Variants in TOP1MT observed in about 807,000 individuals in gnomAD.
TOP1MT encodes the protein DNA topoisomerase I, mitochondrial.
TOP1MT carries 80 observed loss-of-function variants against 73.9 expected under a neutral mutation model. That is an observed-to-expected ratio of 1.08 (90% CI 0.90 to 1.30). TOP1MT has a LOEUF of 1.30. Ranked by LOEUF, TOP1MT falls within the 50% of genes most tolerant of loss-of-function variation. The pLI is 0.00. For missense variants in TOP1MT, 815 were observed against 808.0 expected, an observed-to-expected ratio of 1.01 and a Z score of -0.10; for synonymous variants, 338 against 326.4, an observed-to-expected ratio of 1.04 and a Z score of -0.38.
At chr8:143,337,482 T>A (rs775493733), upstream of TOP1MT, among the ~76,000 whole-genome samples, 13 of 152,148 alleles carry the variant, frequency 8.5e-5, no homozygotes, top group Non-Finnish European at 1.6e-4. Context: ...GCTGGCGTTT[T>A]TACAGAAATT....
rs531330290 is a variant in TOP1MT at position 143,320,197 on chromosome 8, T to C, written c.1146+1004A>G. Among the ~76,000 whole-genome samples the C allele has an allele frequency of 5.3e-5, 8 of 151,040 alleles. No individual in the cohort carries two copies. In the East Asian group the frequency reaches 1.4e-3, roughly 27 times the overall value. The stretch of plus-strand genomic sequence containing the variant: ...AGGCAGGAGTGCAGTGGTGCCATCT[T>C]GGCTCACTGCAAGCTCCGCCTCCTG... On this transcript the variant is annotated intron_variant, in intron 8 of 13. Transcript: ENST00000329245.
At chr8:143,354,593 T>C (rs1817376226) in intron 1 of TOP1MT, among the ~76,000 whole-genome samples, 1 of 152,054 alleles carries the variant, frequency 6.6e-6, no homozygotes, top group Non-Finnish European at 1.5e-5. Flanking sequence ...ATGCCTGTAA[T>C]TCCAGCTACT....
chr8:143,322,914 G>A (rs1394556112), intron 7 of TOP1MT, among the ~76,000 whole-genome samples: 3 of 39,830 alleles, frequency 7.5e-5, no homozygotes, highest in Non-Finnish European at 1.6e-4. Flanking sequence ...ACACACGCAC[G>A]CCACACACGC....
chr8:143,315,024 T>C (rs560114889), intron 12 of TOP1MT, among the ~76,000 whole-genome samples: 22 of 152,240 alleles, frequency 1.4e-4, no homozygotes, highest in African/African-American at 4.3e-4. Context: ...GGAAGATGCC[T>C]ATTGCCAGGC....
upstream of TOP1MT, among the ~76,000 whole-genome samples, chr8:143,346,934 CT>C (rs1041376976): frequency 2.5e-4 from 38 of 151,790 alleles, no homozygotes; most frequent in Non-Finnish European, 5.1e-4. Context: ...AGCCAAATCA[CT>C]TTTCAAAAGC....
chr8:143,354,487 C>T (rs1296956187), intron 1 of TOP1MT, among the ~76,000 whole-genome samples: 2 of 151,056 alleles, frequency 1.3e-5, no homozygotes, highest in African/African-American at 2.5e-5. Flanking sequence ...CTGAGGCAGG[C>T]GGATTACCTG....
chr8:143,336,511 T>G (rs1216605562), upstream of TOP1MT, among the ~76,000 whole-genome samples: 3 of 152,126 alleles, frequency 2.0e-5, no homozygotes, highest in African/African-American at 7.2e-5. Flanking sequence ...ACGCTCCTGC[T>G]GAAATGAAGA....
chr8:143,336,271 G>A (rs554587090), upstream of TOP1MT, among the ~76,000 whole-genome samples: 3 of 152,268 alleles, frequency 2.0e-5, no homozygotes, highest in Non-Finnish European at 2.9e-5. Context: ...GGGATTTCAG[G>A]TGTGAGCCGA....
intron 3 of TOP1MT, among the ~76,000 whole-genome samples, chr8:143,328,523 C>T (rs184806178): frequency 2.0e-5 from 3 of 152,346 alleles, no homozygotes; most frequent in African/African-American, 4.8e-5. Context: ...AAAGGTGCCT[C>T]GCACCCGCGG....
At chr8:143,339,368 C>T (rs760255831), upstream of TOP1MT, among the ~76,000 whole-genome samples, 6 of 152,224 alleles carry the variant, frequency 3.9e-5, no homozygotes, top group South Asian at 2.1e-4. Flanking sequence ...CTCGTGGCTG[C>T]GTACAGGACA....
intron 1 of TOP1MT, chr8:143,331,598 C>T (rs562112595): frequency 4.3e-5 from 16 of 370,904 alleles, no homozygotes; most frequent in African/African-American, 1.8e-4. Context: ...CCCAGCTAAG[C>T]GGGAAAGGGC....
chr8:143,315,946 AG>A (rs1816147597), intron 11 of TOP1MT, 52 bp downstream of exon 11: 1 of 1,611,264 alleles, frequency 6.2e-7, no homozygotes, highest in African/African-American at 1.3e-5. Flanking sequence ...GGCTCTGGGG[AG>A]GGGGAGGGGT....
intron 7 of TOP1MT, among the ~76,000 whole-genome samples, chr8:143,323,769 C>CCA (rs1158510196): frequency 4.0e-5 from 6 of 148,972 alleles, no homozygotes; most frequent in Non-Finnish European, 9.0e-5. Flanking sequence ...CACAGACATG[C>CCA]CACACACAGG....
At chr8:143,310,554 T>A (rs1315781526) in intron 12 of TOP1MT, 4 of 211,346 alleles carry the variant, frequency 1.9e-5, no homozygotes, top group Non-Finnish European at 3.7e-5. Context: ...CAAACACAAA[T>A]GTCCTTTAAC....
At chr8:143,323,402 C>T (rs1422001082) in intron 7 of TOP1MT, among the ~76,000 whole-genome samples, 2 of 119,706 alleles carry the variant, frequency 1.7e-5, no homozygotes, top group African/African-American at 6.9e-5. Flanking sequence ...CACAGGCACG[C>T]CACACACGCA....
chr8:143,318,745 C>T (rs1816245809), intron 8 of TOP1MT, among the ~76,000 whole-genome samples: 1 of 152,106 alleles, frequency 6.6e-6, no homozygotes, highest in Admixed American at 6.6e-5. Context: ...AGGCCCCGCA[C>T]CCCCAACTGG....
At chr8:143,315,025 A>AGCAACCATC (rs1816115547) in intron 12 of TOP1MT, among the ~76,000 whole-genome samples, 3 of 152,116 alleles carry the variant, frequency 2.0e-5, no homozygotes, top group Non-Finnish European at 2.9e-5. Flanking sequence ...GAAGATGCCT[A>AGCAACCATC]TTGCCAGGCC....
chr8:143,326,069 A>G (rs1198835498), intron 4 of TOP1MT, among the ~76,000 whole-genome samples, 153 bp downstream of exon 4: 4 of 152,208 alleles, frequency 2.6e-5, no homozygotes, highest in African/African-American at 9.6e-5. Flanking sequence ...ACGACACTTA[A>G]GCACATGCAG....
At position 143,324,051 on chromosome 8, in the gene TOP1MT, G is replaced by C. The variant is rs1318776058; in HGVS notation, c.908C>G (p.Ser303Cys). ...CCGCTGTCTCGTCTTCATTTCCCGA[G>C]ACTTCCAGTCAGCCCGGTACTGGGA... ...IRSQYRADWK[S>C]REMKTRQRAV... Residue 303 changes from serine to cysteine, a missense_variant, in exon 7 of 14, where the codon TCT becomes TGT. Transcript: ENST00000329245. 1.2e-6 allele frequency: 2 copies of C among 1,613,882 alleles called. No homozygotes were observed. Among genetic ancestry groups the C allele is most frequent in the Admixed American group, 3.3e-5 (2 of 60,022 alleles).
Sources: gnomAD v4.1 joint callset for allele counts (sites outside exome capture counted in the v4.1 genomes callset) on GRCh38, gnomAD v4.1.1 for gene constraint, MANE v1.5 for transcripts, NCBI Gene and HGNC (gene_info 2026-07-23, HGNC 2026-07-21) for gene names.